REDIC1: variants seen among roughly 807,000 people sequenced by gnomAD.
REDIC1 encodes the protein HEI10 Interacting Protein 1.
the REDIC1 span, among the ~76,000 whole-genome samples, chr12:39,748,516 C>G: frequency 6.6e-6 from 1 of 152,152 alleles, no homozygotes; most frequent in African/African-American, 2.4e-5. Flanking sequence ...ATCAATGAGA[C>G]AGAAAGTTAA....
At chr12:39,801,339 TAAAAA>T in the REDIC1 span, among the ~76,000 whole-genome samples, 91,604 of 126,808 alleles carry the variant, frequency 0.72, 32,351 homozygotes, top group Non-Finnish European at 0.76. Context: ...ATGAGGAAAT[TAAAAA>T]AAAAAAAAAA....
the REDIC1 span, among the ~76,000 whole-genome samples, chr12:39,704,933 G>A: frequency 1.3e-5 from 2 of 152,062 alleles, no homozygotes; most frequent in Non-Finnish European, 2.9e-5. Context: ...GGCGTGGGGG[G>A]AGGGAGGAGG....
chr12:39,711,421 TTATGTG>T, the REDIC1 span, among the ~76,000 whole-genome samples: 3 of 131,646 alleles, frequency 2.3e-5, no homozygotes, highest in Admixed American at 2.3e-4. Context: ...ATATATGTAC[TTATGTG>T]TATATGTATA....
the REDIC1 span, among the ~76,000 whole-genome samples, chr12:39,780,083 G>C: frequency 6.6e-6 from 1 of 152,188 alleles, no homozygotes; most frequent in Non-Finnish European, 1.5e-5. Flanking sequence ...TTCCTCATTT[G>C]ATGAAATTGA....
At chr12:39,861,991 C>T in the REDIC1 span, among the ~76,000 whole-genome samples, 5 of 152,236 alleles carry the variant, frequency 3.3e-5, no homozygotes, top group Non-Finnish European at 7.4e-5. Flanking sequence ...TATTAAGCCC[C>T]GCATGCATTA....
the REDIC1 span, among the ~76,000 whole-genome samples, chr12:39,713,953 G>T: frequency 6.8e-6 from 1 of 147,334 alleles, no homozygotes; most frequent in African/African-American, 2.5e-5. Flanking sequence ...CTATATATAC[G>T]TGTATATACA....
chr12:39,704,649 A>T, the REDIC1 span, among the ~76,000 whole-genome samples: 1 of 152,190 alleles, frequency 6.6e-6, no homozygotes, highest in African/African-American at 2.4e-5. Context: ...ATTATTTACA[A>T]TAGCAAAGAC....
chr12:39,669,634 A>G, the REDIC1 span, among the ~76,000 whole-genome samples: 6 of 152,184 alleles, frequency 3.9e-5, no homozygotes, highest in Non-Finnish European at 7.4e-5. Flanking sequence ...TTGTTTGTCT[A>G]TGCCCTGCCC....
the REDIC1 span, among the ~76,000 whole-genome samples, chr12:39,696,270 G>A: frequency 1.2e-4 from 18 of 150,950 alleles, no homozygotes; most frequent in African/African-American, 3.6e-4. Flanking sequence ...AGGGCCGGGC[G>A]CGGTGGCTCA....
the REDIC1 span, among the ~76,000 whole-genome samples, chr12:39,863,750 T>C: frequency 6.6e-6 from 1 of 152,184 alleles, no homozygotes; most frequent in African/African-American, 2.4e-5. Flanking sequence ...CGTGCTATGA[T>C]GCCTATTTTC....
chr12:39,712,673 G>C, the REDIC1 span, among the ~76,000 whole-genome samples: 1 of 137,670 alleles, frequency 7.3e-6, no homozygotes, highest in Non-Finnish European at 1.6e-5. Flanking sequence ...GTATACATGT[G>C]TATATATGTA....
chr12:39,745,262 C>T, the REDIC1 span, among the ~76,000 whole-genome samples: 1 of 152,086 alleles, frequency 6.6e-6, no homozygotes, highest in Admixed American at 6.5e-5. Flanking sequence ...ACCAGTGACC[C>T]TGCAGGAAGA....
the REDIC1 span, among the ~76,000 whole-genome samples, chr12:39,778,797 A>G: frequency 6.6e-6 from 1 of 152,188 alleles, no homozygotes; most frequent in African/African-American, 2.4e-5. Flanking sequence ...AATACCAATG[A>G]CTGAAAAACA....
chr12:39,856,392 C>T, the REDIC1 span, among the ~76,000 whole-genome samples: 1,167 of 152,154 alleles, frequency 7.7e-3, 20 homozygotes, highest in African/African-American at 0.026. Flanking sequence ...TTTTTTGAGA[C>T]GGAGTCTCAC....
At chr12:39,679,242 G>C in the REDIC1 span, among the ~76,000 whole-genome samples, 1 of 152,088 alleles carries the variant, frequency 6.6e-6, no homozygotes, top group African/African-American at 2.4e-5. Context: ...TGACATAATA[G>C]TATACCTGGA....
At chr12:39,740,343 T>G in the REDIC1 span, among the ~76,000 whole-genome samples, 2 of 147,346 alleles carry the variant, frequency 1.4e-5, no homozygotes, top group Admixed American at 1.3e-4. Flanking sequence ...TTTTCAGAAT[T>G]TTTTTTAGCA....
the REDIC1 span, among the ~76,000 whole-genome samples, chr12:39,807,853 T>G: frequency 6.6e-6 from 1 of 152,264 alleles, no homozygotes; most frequent in South Asian, 2.1e-4. Flanking sequence ...TTGTCTGTGA[T>G]GAAAAGTGTC....
the REDIC1 span, among the ~76,000 whole-genome samples, chr12:39,790,022 TA>T: frequency 6.6e-6 from 1 of 152,028 alleles, no homozygotes; most frequent in Admixed American, 6.6e-5. Flanking sequence ...CAGGTGAAGT[TA>T]ATTTTAGTAA....
the REDIC1 span, among the ~76,000 whole-genome samples, chr12:39,711,785 ATGTG>A: frequency 1.6e-4 from 19 of 119,276 alleles, no homozygotes; most frequent in African/African-American, 3.1e-4. Context: ...ATGCATGTGT[ATGTG>A]TGTGTACACA....
Sources: gnomAD v4.1 joint callset for allele counts (sites outside exome capture counted in the v4.1 genomes callset) on GRCh38, gnomAD v4.1.1 for gene constraint, MANE v1.5 for transcripts, NCBI Gene and HGNC (gene_info 2026-07-23, HGNC 2026-07-21) for gene names.